The following CNTNAP2 variants were observed in gnomAD, a reference collection of about 807,000 sequenced individuals.
CNTNAP2 encodes the protein contactin associated protein 2.
A neutral mutation model predicts 155.2 loss-of-function variants in CNTNAP2; 98 were observed. The observed-to-expected ratio is 0.63, with a 90% CI of 0.54 to 0.75. The LOEUF (loss-of-function observed/expected upper bound fraction) is 0.75. Among genes scored for constraint, CNTNAP2 ranks in the 30% least tolerant of loss-of-function variants. CNTNAP2 has a pLI of 0.00. For missense variants in CNTNAP2, 1,727 were observed against 1,688.1 expected (o/e 1.02, Z -0.40); for synonymous variants, 651 against 631.2 (o/e 1.03, Z -0.47).
At chr7:147,862,894 G>A (rs4523170) in intron 13 of CNTNAP2, among the ~76,000 whole-genome samples, 89,806 of 151,322 alleles carry the variant, frequency 0.59, 26,857 homozygotes, top group South Asian at 0.69. Flanking sequence ...GAAATTAACC[G>A]TTTATAAGGG....
chr7:148,061,978 G>GAT (rs1206116724), intron 15 of CNTNAP2, among the ~76,000 whole-genome samples: 9 of 133,682 alleles, frequency 6.7e-5, no homozygotes, highest in Admixed American at 3.9e-4. Flanking sequence ...TAGATAGATA[G>GAT]ATAGATAGAT....
At chr7:146,215,611 A>C (rs895563953) in intron 1 of CNTNAP2, among the ~76,000 whole-genome samples, 3 of 150,670 alleles carry the variant, frequency 2.0e-5, no homozygotes, top group Non-Finnish European at 4.4e-5. Flanking sequence ...ATTATCTTAT[A>C]TGAATAATAT....
intron 1 of CNTNAP2, among the ~76,000 whole-genome samples, chr7:146,648,328 A>G (rs532082070): frequency 6.6e-6 from 1 of 152,292 alleles, no homozygotes; most frequent in Non-Finnish European, 1.5e-5. Context: ...GAAAGAAGTG[A>G]ACGTTTTCAA....
chr7:147,134,714 T>G (rs1801444361), intron 8 of CNTNAP2, among the ~76,000 whole-genome samples: 1 of 151,960 alleles, frequency 6.6e-6, no homozygotes, highest in Non-Finnish European at 1.5e-5. Context: ...CAATTAAATG[T>G]GTAAATAAGT....
At chr7:146,632,065 T>C (rs1329294397) in intron 1 of CNTNAP2, among the ~76,000 whole-genome samples, 6 of 152,224 alleles carry the variant, frequency 3.9e-5, no homozygotes, top group African/African-American at 1.2e-4. Context: ...CAAGGTAGTC[T>C]GGGCTTTGGT....
At chr7:147,348,846 G>GATGT (rs1394235956) in intron 9 of CNTNAP2, among the ~76,000 whole-genome samples, 4 of 151,954 alleles carry the variant, frequency 2.6e-5, no homozygotes, top group Non-Finnish European at 4.4e-5. Context: ...TTTGTGGCAA[G>GATGT]ATGTATGGAA....
chr7:147,139,769 T>A (rs1657667473), intron 8 of CNTNAP2, among the ~76,000 whole-genome samples: 1 of 152,108 alleles, frequency 6.6e-6, no homozygotes, highest in Non-Finnish European at 1.5e-5. Context: ...GAATGACTCC[T>A]TTGGAAACTC....
chr7:147,200,014 A>G (rs1802890713), intron 8 of CNTNAP2, among the ~76,000 whole-genome samples: 1 of 152,016 alleles, frequency 6.6e-6, no homozygotes, highest in Non-Finnish European at 1.5e-5. Flanking sequence ...AGGCACAACC[A>G]TGAAGTGGGT....
chr7:147,203,517 C>A (rs1348169619), intron 8 of CNTNAP2, among the ~76,000 whole-genome samples: 1 of 152,166 alleles, frequency 6.6e-6, no homozygotes, highest in Non-Finnish European at 1.5e-5. Context: ...CAGGCATGAG[C>A]CACCACGCCC....
intron 8 of CNTNAP2, among the ~76,000 whole-genome samples, chr7:147,239,441 C>T (rs770888704): frequency 4.1e-5 from 6 of 146,426 alleles, no homozygotes; most frequent in Admixed American, 7.1e-5. Context: ...ACCCAGGAGA[C>T]GGGGGTTGCA....
At chr7:147,712,858 C>T (rs545392915) in intron 13 of CNTNAP2, among the ~76,000 whole-genome samples, 3 of 152,148 alleles carry the variant, frequency 2.0e-5, no homozygotes, top group Non-Finnish European at 4.4e-5. Flanking sequence ...CCAACCTGCA[C>T]GTTGTGCACA....
intron 13 of CNTNAP2, among the ~76,000 whole-genome samples, chr7:147,689,252 T>G (rs1486832855): frequency 4.6e-5 from 7 of 151,590 alleles, no homozygotes; most frequent in Non-Finnish European, 7.4e-5. Context: ...CTGGTTCAAG[T>G]GATTTTCCTG....
intron 10 of CNTNAP2, among the ~76,000 whole-genome samples, chr7:147,424,988 C>T (rs908966349): frequency 1.1e-4 from 16 of 152,208 alleles, no homozygotes; most frequent in African/African-American, 3.4e-4. Context: ...TGGACTGCTG[C>T]AATAACCTTC....
chr7:148,145,569 A>G (rs1436308196), intron 16 of CNTNAP2, among the ~76,000 whole-genome samples: 1 of 152,142 alleles, frequency 6.6e-6, no homozygotes, highest in African/African-American at 2.4e-5. Flanking sequence ...AATCTTTCCT[A>G]CTTAGCCCAG....
intron 3 of CNTNAP2, among the ~76,000 whole-genome samples, chr7:146,899,255 C>G (rs1162225298): frequency 6.6e-6 from 1 of 152,172 alleles, no homozygotes; most frequent in Non-Finnish European, 1.5e-5. Context: ...CAAATTCCAT[C>G]TCCATTACAA....
At chr7:147,055,017 A>G (rs1036654752) in intron 4 of CNTNAP2, among the ~76,000 whole-genome samples, 1 of 152,158 alleles carries the variant, frequency 6.6e-6, no homozygotes, top group African/African-American at 2.4e-5. Flanking sequence ...AGAAACTGTC[A>G]GTGTTCTCTT....
intron 1 of CNTNAP2, among the ~76,000 whole-genome samples, chr7:146,222,658 A>ATTTT (rs11461655): frequency 1.4e-5 from 2 of 138,806 alleles, no homozygotes; most frequent in Non-Finnish European, 3.1e-5. Flanking sequence ...GAAAAGGTAA[A>ATTTT]TTTTTTTTTT....
chr7:147,353,144 T>C (rs1306728939), intron 9 of CNTNAP2, among the ~76,000 whole-genome samples: 2 of 151,830 alleles, frequency 1.3e-5, no homozygotes, highest in African/African-American at 4.8e-5. Context: ...TACGTATATG[T>C]ACATATATAT....
chr7:146,620,743 A>G (rs941548414), intron 1 of CNTNAP2, among the ~76,000 whole-genome samples: 15 of 152,140 alleles, frequency 9.9e-5, no homozygotes, highest in African/African-American at 3.6e-4. Flanking sequence ...TACATATGAG[A>G]GAATTTTGAA....
Sources: gnomAD v4.1 joint callset for allele counts (sites outside exome capture counted in the v4.1 genomes callset) on GRCh38, gnomAD v4.1.1 for gene constraint, MANE v1.5 for transcripts, NCBI Gene and HGNC (gene_info 2026-07-23, HGNC 2026-07-21) for gene names.